The following DOT1L variants were observed in gnomAD, a reference collection of about 807,000 sequenced individuals.
DOT1L encodes the protein histone-lysine N-methyltransferase, H3 lysine-79 specific.
DOT1L carries 33 observed loss-of-function variants against 153.3 expected under a neutral mutation model. The observed-to-expected ratio is 0.22, with a 90% CI of 0.16 to 0.29. The LOEUF (loss-of-function observed/expected upper bound fraction) is 0.29, where lower values mean the gene tolerates loss of function less well. Among genes scored for constraint, DOT1L ranks in the 10% least tolerant of loss-of-function variants. The probability of loss-of-function intolerance (pLI) is 1.00; values close to 1 mark genes in which losing one functional copy is unlikely to be tolerated. For missense variants in DOT1L, 1,847 were observed against 2,119.9 expected (o/e 0.87, Z 2.53); for synonymous variants, 1,135 against 965.1 (o/e 1.18, Z -3.26).
chr19:2,213,231 G>A, intron 16 of DOT1L: 1 of 298,860 alleles, frequency 3.3e-6, no homozygotes, highest in South Asian at 4.5e-5. Context: ...GTATTGCCTT[G>A]GGATAAACTC....
At chr19:2,214,368 A>G in intron 18 of DOT1L, 103 bp from the exon 19 acceptor site, 7 of 1,528,560 alleles carry the variant, frequency 4.6e-6, no homozygotes, top group Non-Finnish European at 4.4e-6. Context: ...CTAAGCACAC[A>G]TGCTGTTGGC....
chr19:2,170,537 G>A (rs138327134), intron 1 of DOT1L, among the ~76,000 whole-genome samples: 2 of 152,194 alleles, frequency 1.3e-5, no homozygotes, highest in African/African-American at 2.4e-5. Context: ...GGGCAGCCCC[G>A]ATTCAACTCA....
rs145382605 is a variant in DOT1L at position 2,204,927 on chromosome 19, G to T, written c.788-1802G>T. 7.2e-4 allele frequency among the ~76,000 whole-genome samples: 109 copies of T among 152,262 alleles called. 3 individuals carry two copies. The East Asian group carries it at 0.019, about 27-fold the overall frequency. On this transcript the variant is annotated intron_variant, in intron 9 of 27. Coordinates refer to ENST00000398665, the MANE Select transcript of DOT1L (RefSeq NM_032482.3). The surrounding 1 kb of genome is among the most constrained non-coding windows in gnomAD (Gnocchi z 5.7). Reference sequence around the variant, plus strand: ...TGTGGCGTCCAGGGGAGGAGAGCTGGGATGGCGGAGTGTGCATGTGTTTAA... The same window carrying T: ...TGTGGCGTCCAGGGGAGGAGAGCTGTGATGGCGGAGTGTGCATGTGTTTAA...
intron 4 of DOT1L, among the ~76,000 whole-genome samples, chr19:2,189,999 A>G (rs1328031420): frequency 6.6e-6 from 1 of 152,052 alleles, no homozygotes. Context: ...CGTGTGCCAA[A>G]GCAGAGCCGT....
At position 2,213,985 on chromosome 19, in the gene DOT1L, T is replaced by G; in HGVS notation, c.1796T>G (p.Leu599Arg). 1 of 1,612,252 alleles carries G rather than the reference T, an allele frequency of 6.2e-7. No homozygotes were observed. The highest frequency in any genetic ancestry group is 8.5e-7 in the Non-Finnish European group (1 of 1,179,604). ...GCGCTCCGCGGCCAGAGCTTGCAGC[T>G]GGTGGGTGCCGCGGCGCAAGGACAG... ...NRALRGQSLQ[L>R]LKARCEELQL... Residue 599 changes from leucine (L) to arginine (R), a missense_variant and splice_region_variant, in exon 18 of 28, where the codon CTG becomes CGG. Leu to Arg is a moderately radical substitution (Grantham distance 102). This residue lies in a region of DOT1L where 156 missense variants were observed against 235.7 expected (regional missense o/e 0.66). Transcript: ENST00000398665.
In DOT1L at chr19:2,208,857, T is replaced by C. The variant is rs1200813190; in HGVS notation, c.964-78T>C. The stretch of plus-strand genomic sequence containing the variant: ...TCCCCAGCCACTGTCCAGGTTGCTG[T>C]TGTTACCTGGGTGTCCAGACAAATC... On this transcript the variant is annotated intron_variant, in intron 11 of 27. Coordinates refer to ENST00000398665, the MANE Select transcript of DOT1L (RefSeq NM_032482.3). The surrounding 1 kb of genome is among the most constrained non-coding windows in gnomAD (Gnocchi z 4.4). The C allele has an allele frequency of 3.4e-6, 5 of 1,467,740 alleles. No homozygotes were observed. The highest frequency in any genetic ancestry group is 4.6e-5 in the East Asian group (2 of 43,246). 90.9% of individuals were successfully genotyped at this position (1,467,740 alleles called of 1,614,324 possible).
At chr19:2,168,495 C>T (rs1329842105) in intron 1 of DOT1L, among the ~76,000 whole-genome samples, 7 of 152,120 alleles carry the variant, frequency 4.6e-5, no homozygotes, top group Admixed American at 6.6e-5. Context: ...TGTCCACGCT[C>T]GGAAATGAGC....
chr19:2,210,284 C>G, intron 12 of DOT1L, 116 bp from the exon 13 acceptor site: 2 of 914,278 alleles, frequency 2.2e-6, no homozygotes, highest in African/African-American at 1.7e-5. Flanking sequence ...AGAGGACTTG[C>G]AGTGGACAGA....
chr19:2,206,540 A>T (rs1053909395), intron 9 of DOT1L, among the ~76,000 whole-genome samples, 189 bp from the exon 10 acceptor site: 1 of 151,896 alleles, frequency 6.6e-6, no homozygotes, highest in African/African-American at 2.4e-5. Context: ...AAAAAAAAAA[A>T]AAAAGTTATT....
At chr19:2,218,522 T>C (rs1411615477) in intron 22 of DOT1L, among the ~76,000 whole-genome samples, 1 of 149,698 alleles carries the variant, frequency 6.7e-6, no homozygotes, top group Non-Finnish European at 1.5e-5. Flanking sequence ...GCCTCCCGAG[T>C]AGCTGGGACT....
intron 27 of DOT1L, chr19:2,228,098 C>T: frequency 7.4e-7 from 1 of 1,350,048 alleles, no homozygotes; most frequent in Non-Finnish European, 9.9e-7. Flanking sequence ...ACCAAGCTTT[C>T]TTGCCCCCCA....
chr19:2,213,470 G>A (rs982062888), intron 16 of DOT1L, 69 bp from the exon 17 acceptor site: 13 of 1,490,708 alleles, frequency 8.7e-6, no homozygotes, highest in Admixed American at 3.5e-5. Context: ...GAGGCAGGGC[G>A]TGGGCCCTCC....
chr19:2,188,716 CCTT>C (rs1200806439), intron 3 of DOT1L, among the ~76,000 whole-genome samples: 1 of 152,210 alleles, frequency 6.6e-6, no homozygotes, highest in East Asian at 1.9e-4. Context: ...GCTCTGGACA[CCTT>C]CTGAGGTGGA....
In DOT1L at chr19:2,208,215, T is replaced by C. The variant is rs1167737280; in HGVS notation, c.963+535T>C. On this transcript the variant is annotated intron_variant, in intron 11 of 27. Coordinates refer to ENST00000398665, the MANE Select transcript of DOT1L (RefSeq NM_032482.3). This position sits in a 1 kb window ranked among gnomAD's most constrained non-coding sequence, Gnocchi z 4.4. ...CCCCCGGGCACGAGTATCCCGAGCC[T>C]CCTGGCATGTGGGCAGCGCCAGCCC... Among the ~76,000 whole-genome samples, 1 of 152,070 alleles carries C rather than the reference T, an allele frequency of 6.6e-6. No individual in the cohort carries two copies. Among genetic ancestry groups the C allele is most frequent in the African/African-American group, 2.4e-5 (1 of 41,398 alleles).
At chr19:2,223,901 C>T (rs2024225331) in intron 25 of DOT1L, among the ~76,000 whole-genome samples, 1 of 152,172 alleles carries the variant, frequency 6.6e-6, no homozygotes, top group African/African-American at 2.4e-5. Flanking sequence ...ATCCACATTA[C>T]CACTGCCTAA....
At chr19:2,176,804 C>G (rs1033660567) in intron 1 of DOT1L, among the ~76,000 whole-genome samples, 7 of 152,236 alleles carry the variant, frequency 4.6e-5, no homozygotes, top group African/African-American at 1.7e-4. Context: ...AGGCAGGGCC[C>G]TCTGTCAGAT....
Position 2,210,401 on chromosome 19 carries a change from A to C in DOT1L, c.1007A>C (p.Glu336Ala). The C allele has an allele frequency of 6.5e-7, 1 of 1,532,340 alleles. No homozygotes were observed. Among genetic ancestry groups the C allele is most frequent in the East Asian group, 2.4e-5 (1 of 40,850 alleles). The allele number at this position is 1,532,340 out of a possible 1,614,324, so 94.9% of individuals were successfully genotyped here. A position where few individuals can be genotyped will look rare whatever the true frequency, so the allele number is the denominator to read the frequency against. ...FSSLKNPKLR[E>A]EQEAARRRQQ... ...TGGCTCAACCTGCTCTCCTTCCAGGAGGAACAGGAGGCAGCCCGGCGCCGC... is the reference window on the plus strand; with the variant it reads ...TGGCTCAACCTGCTCTCCTTCCAGGCGGAACAGGAGGCAGCCCGGCGCCGC... Residue 336 changes from glutamate to alanine, a missense_variant and splice_region_variant, in exon 13 of 28, where the codon GAG becomes GCG. This residue lies in a region of DOT1L where 148 missense variants were observed against 422.3 expected (regional missense o/e 0.35). Coordinates refer to ENST00000398665, the MANE Select transcript of DOT1L (RefSeq NM_032482.3).
rs1282682276 is a variant in DOT1L at position 2,220,251 on chromosome 19, G to A, written c.2806+29G>A. 2 of 1,592,790 alleles carry A rather than the reference G, an allele frequency of 1.3e-6. No homozygotes were observed. Among genetic ancestry groups the A allele is most frequent in the Admixed American group, 1.7e-5 (1 of 58,152 alleles). ...ACGCCCCTCCTGTGCCCTACCCTCA[G>A]GACTCTGCTGCTGCTGCTGCTCTTC... On this transcript the variant is annotated intron_variant, in intron 23 of 27. Transcript: ENST00000398665. This position sits in a 1 kb window ranked among gnomAD's most constrained non-coding sequence, Gnocchi z 4.5.
chr19:2,204,057 C>T lies in DOT1L; in HGVS notation c.787+1278C>T, dbSNP rs979946043. ...GGTCTGCAGCTGCCTTCAGCACCAA[C>T]GCCCCACAACCTGGGGGTTTGGAGG... On this transcript the variant is annotated intron_variant, in intron 9 of 27. Transcript: ENST00000398665. The surrounding 1 kb of genome is among the most constrained non-coding windows in gnomAD (Gnocchi z 5.7). 5.9e-5 allele frequency among the ~76,000 whole-genome samples: 9 copies of T among 152,224 alleles called. No individual in the cohort carries two copies. Among genetic ancestry groups the T allele is most frequent in the Non-Finnish European group, 5.9e-5 (4 of 68,044 alleles).
Sources: allele counts gnomAD v4.1 joint callset (sites outside exome capture counted in the v4.1 genomes callset), GRCh38; gene constraint gnomAD v4.1.1; regional missense constraint gnomAD v4.1.1; non-coding constraint Gnocchi (gnomAD v3.1); transcripts MANE v1.5; gene names NCBI Gene and HGNC (gene_info 2026-07-23, HGNC 2026-07-21).